CNTN4: variants seen among roughly 807,000 people sequenced by gnomAD.
CNTN4 encodes contactin-4.
A neutral mutation model predicts 122.5 loss-of-function variants in CNTN4; 77 were observed. That is an observed-to-expected ratio of 0.63 (90% CI 0.52 to 0.76). CNTN4 has a LOEUF of 0.76. Ranked by LOEUF, CNTN4 falls within the 30% of genes least tolerant of loss-of-function variation. CNTN4 has a pLI of 0.00. For missense variants in CNTN4, 1,256 were observed against 1,259.1 expected (o/e 1.00, Z 0.04); for synonymous variants, 512 against 447.0 (o/e 1.15, Z -1.83).
chr3:2,564,749 T>C (rs981613120), intron 3 of CNTN4, among the ~76,000 whole-genome samples: 2 of 151,888 alleles, frequency 1.3e-5, no homozygotes, highest in Non-Finnish European at 2.9e-5. Context: ...GGTAGCAAAA[T>C]ATAAAGGTCC....
intron 4 of CNTN4, among the ~76,000 whole-genome samples, chr3:2,633,781 C>T (rs1406123959): frequency 6.6e-6 from 1 of 152,122 alleles, no homozygotes. Context: ...TGCTCTTGAC[C>T]TCAAAATCTA....
At position 2,187,897 on chromosome 3, in the gene CNTN4, G is replaced by A. The variant is rs374129574; in HGVS notation, c.-145+87258G>A. ...ATGGTAAAAAGGCCAGGATTGAGAT[G>A]TTCTCTTTTGACACCATAGTTTTAT... is the stretch of plus-strand genomic sequence containing the variant. On this transcript the variant is annotated intron_variant, in intron 2 of 24. Coordinates refer to ENST00000418658, the MANE Select transcript of CNTN4 (RefSeq NM_175607.3). Among the ~76,000 whole-genome samples the A allele has an allele frequency of 8.5e-4, 130 of 152,214 alleles. 1 individual carries two copies. Among genetic ancestry groups the A allele is most frequent in the Non-Finnish European group, 1.7e-3 (118 of 68,016 alleles).
intron 3 of CNTN4, among the ~76,000 whole-genome samples, chr3:2,370,898 A>G (rs538406692): frequency 2.0e-5 from 3 of 152,318 alleles, no homozygotes; most frequent in African/African-American, 7.2e-5. Context: ...CAATCAATCT[A>G]TTGATAGTGT....
chr3:2,127,044 C>G (rs926455119), intron 2 of CNTN4, among the ~76,000 whole-genome samples: 4 of 152,160 alleles, frequency 2.6e-5, no homozygotes, highest in Admixed American at 6.5e-5. Flanking sequence ...AGTTTAATGA[C>G]TTATTCTGTC....
At chr3:2,184,146 G>A (rs9869895) in intron 2 of CNTN4, among the ~76,000 whole-genome samples, 21,413 of 151,826 alleles carry the variant, frequency 0.14, 1,720 homozygotes, top group East Asian at 0.26. Context: ...TAATTTTTAT[G>A]TTATTTTTAT....
At chr3:2,724,672 G>A (rs1374300498) in intron 4 of CNTN4, among the ~76,000 whole-genome samples, 2 of 152,176 alleles carry the variant, frequency 1.3e-5, no homozygotes, top group Admixed American at 6.5e-5. Context: ...GAGGAGCTGC[G>A]GTGCATATAA....
chr3:2,103,481 T>C (rs2032164318), intron 2 of CNTN4, among the ~76,000 whole-genome samples: 1 of 152,222 alleles, frequency 6.6e-6, no homozygotes, highest in Non-Finnish European at 1.5e-5. Flanking sequence ...CCTTGAATTA[T>C]AACCTTCCTC....
chr3:2,646,400 A>G (rs1055363617), intron 4 of CNTN4, among the ~76,000 whole-genome samples: 3 of 152,174 alleles, frequency 2.0e-5, no homozygotes, highest in Non-Finnish European at 4.4e-5. Context: ...TAGTCTCTCT[A>G]TGCCTTAGTT....
intron 4 of CNTN4, among the ~76,000 whole-genome samples, chr3:2,626,582 T>C (rs1360970834): frequency 6.6e-6 from 1 of 152,078 alleles, no homozygotes; most frequent in Non-Finnish European, 1.5e-5. Flanking sequence ...CCTTATATCA[T>C]TTAAGAGGGA....
At chr3:2,736,811 G>T (rs1576615962) in intron 5 of CNTN4, among the ~76,000 whole-genome samples, 1 of 125,626 alleles carries the variant, frequency 8.0e-6, no homozygotes, top group East Asian at 2.8e-4. Context: ...TATTTATTTA[G>T]AGACGGAGTC....
intron 4 of CNTN4, among the ~76,000 whole-genome samples, chr3:2,687,818 A>G (rs954055801): frequency 1.3e-5 from 2 of 152,288 alleles, no homozygotes; most frequent in Admixed American, 1.3e-4. Flanking sequence ...TAGTGTAGGA[A>G]GAAATCTTAC....
chr3:2,830,644 G>C (rs1263822124), intron 7 of CNTN4, among the ~76,000 whole-genome samples: 1 of 152,214 alleles, frequency 6.6e-6, no homozygotes, highest in African/African-American at 2.4e-5. Context: ...TCAACACTGA[G>C]CTTTCAACAA....
chr3:2,711,193 T>G (rs1425201288), intron 4 of CNTN4, among the ~76,000 whole-genome samples: 2 of 152,104 alleles, frequency 1.3e-5, no homozygotes, highest in Non-Finnish European at 2.9e-5. Context: ...AGGGGCCGGA[T>G]ACAGAAAAGA....
In CNTN4 at chr3:2,710,452, A is replaced by G. The variant is rs140951100; in HGVS notation, c.56-25763A>G. 5.3e-5 allele frequency among the ~76,000 whole-genome samples: 8 copies of G among 152,216 alleles called. No homozygotes were observed. The East Asian group carries it at 9.7e-4, about 18-fold the overall frequency. ...ATTTCTTGTTTCCATAACTAGTGCA[A>G]TTTCCTTTTCCTGAAAGCTCTGTGT... On this transcript the variant is annotated intron_variant, in intron 4 of 24. Coordinates refer to ENST00000418658, the MANE Select transcript of CNTN4 (RefSeq NM_175607.3).
At chr3:2,859,825 C>T (rs73112725) in intron 7 of CNTN4, among the ~76,000 whole-genome samples, 20,096 of 152,036 alleles carry the variant, frequency 0.13, 1,469 homozygotes, top group Middle Eastern at 0.25. Context: ...AGTTAAATTC[C>T]GTAACTTCCA....
chr3:2,442,544 A>G (rs2151293803), intron 3 of CNTN4, among the ~76,000 whole-genome samples: 1 of 152,206 alleles, frequency 6.6e-6, no homozygotes, highest in African/African-American at 2.4e-5. Flanking sequence ...TTCCTTAAAT[A>G]TTGAACTATT....
chr3:2,489,098 C>T (rs1575751912), intron 3 of CNTN4, among the ~76,000 whole-genome samples: 1 of 151,844 alleles, frequency 6.6e-6, no homozygotes, highest in Non-Finnish European at 1.5e-5. Flanking sequence ...AAATATTTTC[C>T]ACATTAGCAT....
intron 15 of CNTN4, among the ~76,000 whole-genome samples, chr3:3,026,903 T>A (rs1698769353): frequency 6.6e-6 from 1 of 152,150 alleles, no homozygotes; most frequent in Non-Finnish European, 1.5e-5. Flanking sequence ...TTCCTATCAA[T>A]CACAATCATT....
At chr3:2,233,084 C>T (rs1173115437) in intron 2 of CNTN4, among the ~76,000 whole-genome samples, 1 of 144,656 alleles carries the variant, frequency 6.9e-6, no homozygotes, top group Non-Finnish European at 1.5e-5. Context: ...GCATGGCTAG[C>T]TGCTGTGGCT....
Sources: allele counts gnomAD v4.1 joint callset (sites outside exome capture counted in the v4.1 genomes callset), GRCh38; gene constraint gnomAD v4.1.1; transcripts MANE v1.5; gene names NCBI Gene and HGNC (gene_info 2026-07-23, HGNC 2026-07-21).